OTUD7A: variants seen among roughly 807,000 people sequenced by gnomAD.
The protein encoded by OTUD7A is OTU domain-containing protein 7A.
A neutral mutation model predicts 65.7 loss-of-function variants in OTUD7A; 12 were observed. That is an observed-to-expected ratio of 0.18 (90% CI 0.12 to 0.30). OTUD7A has a LOEUF of 0.30. OTUD7A is among the 10% of genes least tolerant of loss of function. The pLI is 1.00. For synonymous variants in OTUD7A, 641 were observed against 586.3 expected, an observed-to-expected ratio of 1.09 and a Z score of -1.35; for missense variants, 1,148 against 1,304.8, an observed-to-expected ratio of 0.88 and a Z score of 1.85.
chr15:31,769,314 C>T (rs1021809593), intron 1 of OTUD7A, among the ~76,000 whole-genome samples: 5 of 151,970 alleles, frequency 3.3e-5, no homozygotes, highest in Non-Finnish European at 7.4e-5. Context: ...TTCAATTCAC[C>T]AAAAAGAAAA....
chr15:31,681,881 C>A (rs1003256358), intron 1 of OTUD7A, among the ~76,000 whole-genome samples: 3 of 151,422 alleles, frequency 2.0e-5, no homozygotes, highest in Non-Finnish European at 2.9e-5. Flanking sequence ...AGGGTCTCTA[C>A]CTTCTAAGAG....
chr15:31,507,615 G>C (rs897568547), intron 8 of OTUD7A, among the ~76,000 whole-genome samples: 3 of 130,250 alleles, frequency 2.3e-5, no homozygotes, highest in Non-Finnish European at 3.2e-5. Context: ...GACCCGAGCA[G>C]GTTGCTGCCG....
intron 1 of OTUD7A, among the ~76,000 whole-genome samples, chr15:31,794,168 C>G (rs1303800282): frequency 6.6e-6 from 1 of 152,090 alleles, no homozygotes; most frequent in Non-Finnish European, 1.5e-5. Context: ...AGAAGCTTAC[C>G]CTGTGGATAT....
At chr15:31,549,940 A>C (rs367898487) in intron 5 of OTUD7A, among the ~76,000 whole-genome samples, 21 of 152,060 alleles carry the variant, frequency 1.4e-4, no homozygotes, top group Admixed American at 5.2e-4. Flanking sequence ...TACTCTACTA[A>C]AATACAAAAA....
At chr15:31,619,227 C>G (rs561479210) in intron 3 of OTUD7A, among the ~76,000 whole-genome samples, 3 of 152,286 alleles carry the variant, frequency 2.0e-5, no homozygotes, top group Admixed American at 2.0e-4. Flanking sequence ...CAGCTTTGTT[C>G]TTTTGGCTTA....
At chr15:31,618,877 A>G (rs1220996248) in intron 3 of OTUD7A, among the ~76,000 whole-genome samples, 1 of 152,116 alleles carries the variant, frequency 6.6e-6, no homozygotes, top group Non-Finnish European at 1.5e-5. Flanking sequence ...GGTATTGCCT[A>G]GGTTTTCTTC....
intron 4 of OTUD7A, among the ~76,000 whole-genome samples, chr15:31,561,000 T>A (rs899340296): frequency 3.9e-5 from 6 of 152,246 alleles, no homozygotes; most frequent in African/African-American, 1.2e-4. Context: ...GCAAGTTAGT[T>A]TTAAATCCGA....
At chr15:31,648,685 T>C (rs919518176) in intron 3 of OTUD7A, among the ~76,000 whole-genome samples, 1 of 152,192 alleles carries the variant, frequency 6.6e-6, no homozygotes, top group Non-Finnish European at 1.5e-5. Flanking sequence ...GTCCTGTCTT[T>C]TTAGGTCAAA....
chr15:31,534,961 C>T (rs1887748939), intron 5 of OTUD7A, among the ~76,000 whole-genome samples: 1 of 152,154 alleles, frequency 6.6e-6, no homozygotes, highest in South Asian at 2.1e-4. Flanking sequence ...CTGTGCAGTT[C>T]AAACCTGTGC....
chr15:31,694,219 C>T (rs1875668), intron 1 of OTUD7A, among the ~76,000 whole-genome samples: 136,008 of 146,134 alleles, frequency 0.93, 63,620 homozygotes, highest in East Asian at 0.99. Context: ...GAAGGGTCAA[C>T]AGGCACTGGC....
intron 1 of OTUD7A, among the ~76,000 whole-genome samples, chr15:31,717,944 G>A (rs1183618712): frequency 6.6e-6 from 1 of 152,188 alleles, no homozygotes; most frequent in Non-Finnish European, 1.5e-5. Flanking sequence ...TAACTGGTGA[G>A]AGATGGTATC....
intron 1 of OTUD7A, among the ~76,000 whole-genome samples, chr15:31,761,594 T>C (rs911736647): frequency 6.6e-6 from 1 of 152,206 alleles, no homozygotes; most frequent in African/African-American, 2.4e-5. Flanking sequence ...ATGATACAGC[T>C]ACTTCAAAAA....
At chr15:31,621,877 T>G (rs1051361253) in intron 3 of OTUD7A, among the ~76,000 whole-genome samples, 15 of 152,184 alleles carry the variant, frequency 9.9e-5, no homozygotes, top group Non-Finnish European at 2.2e-4. Flanking sequence ...TCTTTTCAAT[T>G]TGGCATGTTT....
At chr15:31,829,155 G>A (rs187264972) in intron 1 of OTUD7A, among the ~76,000 whole-genome samples, 10 of 152,308 alleles carry the variant, frequency 6.6e-5, no homozygotes, top group South Asian at 2.1e-4. Flanking sequence ...TAGCGGAAGC[G>A]CCCACAGGTC....
chr15:31,512,177 T>C (rs1343580429), intron 8 of OTUD7A, among the ~76,000 whole-genome samples: 1 of 152,176 alleles, frequency 6.6e-6, no homozygotes, highest in East Asian at 1.9e-4. Flanking sequence ...TGTTTTTTCC[T>C]CAATCTGTGC....
At chr15:31,631,251 T>G (rs9788658) in intron 3 of OTUD7A, among the ~76,000 whole-genome samples, 91,141 of 152,062 alleles carry the variant, frequency 0.6, 29,283 homozygotes, top group East Asian at 0.92. Flanking sequence ...CATGTTAAGT[T>G]CTTCCTTTAA....
chr15:31,658,776 C>A (rs552649016), intron 1 of OTUD7A, among the ~76,000 whole-genome samples: 1 of 151,824 alleles, frequency 6.6e-6, no homozygotes, highest in South Asian at 2.1e-4. Context: ...ACCTGTAATC[C>A]CAGCACTTTG....
At chr15:31,843,870 C>G (rs963813342) in intron 1 of OTUD7A, among the ~76,000 whole-genome samples, 2 of 152,142 alleles carry the variant, frequency 1.3e-5, no homozygotes, top group African/African-American at 2.4e-5. Context: ...CATGTTTACT[C>G]CCTGCTAAAC....
rs556975581 is a variant in OTUD7A, at chr15:31,587,360, G to A, written c.152-17163C>T. On this transcript the variant is annotated intron_variant, in intron 3 of 12. Coordinates refer to ENST00000307050, the MANE Select transcript of OTUD7A (RefSeq NM_001382637.1). ...CCCTTTGAAAATGTAAATCTTGGCC[G>A]GGCGCGGTGGCTCACGCCTGTAATC... is the stretch of plus-strand genomic sequence containing the variant. Among the ~76,000 whole-genome samples the A allele has an allele frequency of 2.4e-4, 36 of 152,164 alleles. No homozygotes were observed. The South Asian group carries it at 5.6e-3, about 24-fold the overall frequency.
Sources: allele counts gnomAD v4.1 joint callset (sites outside exome capture counted in the v4.1 genomes callset), GRCh38; gene constraint gnomAD v4.1.1; transcripts MANE v1.5; gene names NCBI Gene and HGNC (gene_info 2026-07-23, HGNC 2026-07-21).